CFAP57: variants seen among roughly 807,000 people sequenced by gnomAD.
CFAP57 encodes the protein cilia- and flagella-associated protein 57.
Under a neutral mutation model 146.8 loss-of-function variants are expected in CFAP57, and 116 were observed. That is an observed-to-expected ratio of 0.79 (90% CI 0.68 to 0.92). The LOEUF (loss-of-function observed/expected upper bound fraction) is 0.92. Ranked by LOEUF, CFAP57 falls within the 40% of genes least tolerant of loss-of-function variation. The pLI is 0.00. For missense variants in CFAP57, 1,377 were observed against 1,527.2 expected (o/e 0.90, Z 1.64); for synonymous variants, 518 against 552.8 (o/e 0.94, Z 0.88).
intron 18 of CFAP57, among the ~76,000 whole-genome samples, chr1:43,231,718 A>AAAAAAAG (rs373943745): frequency 6.9e-6 from 1 of 144,268 alleles, no homozygotes; most frequent in Non-Finnish European, 1.5e-5. Flanking sequence ...AAAAAAAAAA[A>AAAAAAAG]TTAGTTGGGC....
At chr1:43,215,955 C>A (rs1458279548) in intron 12 of CFAP57, among the ~76,000 whole-genome samples, 1 of 152,160 alleles carries the variant, frequency 6.6e-6, no homozygotes, top group Admixed American at 6.5e-5. Context: ...GAGCCCCCTC[C>A]CTTAATCACT....
intron 2 of CFAP57, among the ~76,000 whole-genome samples, chr1:43,173,448 A>G (rs974600673): frequency 1.3e-5 from 2 of 152,228 alleles, no homozygotes; most frequent in Non-Finnish European, 2.9e-5. Context: ...ATTGTGACAT[A>G]TACATACAAA....
intron 17 of CFAP57, among the ~76,000 whole-genome samples, chr1:43,224,994 A>G (rs1645190964): frequency 6.6e-6 from 1 of 152,220 alleles, no homozygotes; most frequent in South Asian, 2.1e-4. Context: ...ACATAGGATC[A>G]TGGGATCATG....
At chr1:43,227,210 G>GT in intron 18 of CFAP57, 84 bp downstream of exon 18, 1 of 1,370,682 alleles carries the variant, frequency 7.3e-7, no homozygotes, top group Non-Finnish European at 9.6e-7. Context: ...AGGGACTGAG[G>GT]AGAAGCTCTT....
At chr1:43,207,475 G>C (rs6661035) in intron 10 of CFAP57, among the ~76,000 whole-genome samples, 72,532 of 152,126 alleles carry the variant, frequency 0.48, 19,421 homozygotes, top group East Asian at 0.71. Context: ...TAGCCTCGGA[G>C]CAGTAGGCTC....
At chr1:43,207,500 GGT>G (rs1644407615) in intron 10 of CFAP57, among the ~76,000 whole-genome samples, 2 of 152,186 alleles carry the variant, frequency 1.3e-5, no homozygotes, top group African/African-American at 4.8e-5. Context: ...ACATAGCCTA[GGT>G]GTATAGTAGG....
In CFAP57 at chr1:43,182,934, G is replaced by T. The variant is rs568133452; in HGVS notation, c.475-657G>T. On this transcript the variant is annotated intron_variant, in intron 3 of 22. Coordinates refer to ENST00000372492, the MANE Select transcript of CFAP57 (RefSeq NM_001378189.1). ...TATTCGTCTTTACAATGGTACAAGA[G>T]TGATATGCACTCAGGAGAAAGAGAC... Among the ~76,000 whole-genome samples the T allele has an allele frequency of 2.4e-4, 37 of 152,350 alleles. No homozygotes were observed. The South Asian group carries it at 6.2e-3, about 26-fold the overall frequency.
rs531021726 is a variant in CFAP57 at position 43,217,923 on chromosome 1, C to T, written c.2092-1459C>T. On this transcript the variant is annotated intron_variant, in intron 12 of 22. Coordinates refer to ENST00000372492, the MANE Select transcript of CFAP57 (RefSeq NM_001378189.1). The stretch of plus-strand genomic sequence containing the variant: ...ATGGTCTGACGCAGTCTTGGCTGCC[C>T]CTTCCTATACATCCAACCTGTGCCA... Among the ~76,000 whole-genome samples the T allele has an allele frequency of 1.5e-4, 23 of 152,296 alleles. 1 individual carries two copies. Among genetic ancestry groups the T allele is most frequent in the African/African-American group, 5.5e-4 (23 of 41,552 alleles).
intron 22 of CFAP57, among the ~76,000 whole-genome samples, chr1:43,248,774 T>A (rs561091745): frequency 3.6e-4 from 55 of 152,320 alleles, no homozygotes; most frequent in African/African-American, 1.3e-3. Context: ...CCTTAAATTT[T>A]AGTGAAACCC....
At chr1:43,218,785 G>A (rs1644934207) in intron 12 of CFAP57, among the ~76,000 whole-genome samples, 1 of 152,128 alleles carries the variant, frequency 6.6e-6, no homozygotes, top group African/African-American at 2.4e-5. Context: ...TTGTAATAAT[G>A]TGTTTGTCTG....
chr1:43,172,370 T>G lies in CFAP57; in HGVS notation c.-103T>G. The G allele has an allele frequency of 1.3e-6, 2 of 1,551,552 alleles. No homozygotes were observed. The highest frequency in any genetic ancestry group is 1.7e-6 in the Non-Finnish European group (2 of 1,146,974). On this transcript the variant is annotated 5_prime_UTR_variant, in exon 1 of 23. Coordinates refer to ENST00000372492, the MANE Select transcript of CFAP57 (RefSeq NM_001378189.1). ...TTGCTATAGGAACCGCTACGGCGTT[T>G]GAAAGTGTCCGGGTTGCTTAGGATC...
intron 6 of CFAP57, chr1:43,196,318 T>G (rs1569986520): frequency 6.5e-6 from 1 of 152,734 alleles, no homozygotes. Flanking sequence ...GACAGGCAGG[T>G]TGAAGATATT....
chr1:43,206,820 C>G lies in CFAP57; in HGVS notation c.1643C>G (p.Thr548Arg), dbSNP rs1430363605. Reference protein sequence around the residue: ...EWNLSTGKRETECVLKSCSYN... With the variant: ...EWNLSTGKRERECVLKSCSYN... ...AATCTGTCCACAGGAAAGAGAGAGA[C>G]AGAATGCGTGCTCAAGTCTTGCAGC... The change falls in exon 10 of 23, where the codon ACA becomes AGA. Residue 548 changes from threonine to arginine, a missense_variant. Physicochemically the swap from Thr to Arg is moderately conservative, Grantham distance 71. Coordinates refer to ENST00000372492, the MANE Select transcript of CFAP57 (RefSeq NM_001378189.1). The G allele has an allele frequency of 6.2e-7, 1 of 1,614,074 alleles. No homozygotes were observed. Among genetic ancestry groups the G allele is most frequent in the Non-Finnish European group, 8.5e-7 (1 of 1,180,050 alleles).
chr1:43,194,109 C>A (rs12032304), intron 6 of CFAP57, among the ~76,000 whole-genome samples: 3 of 152,040 alleles, frequency 2.0e-5, no homozygotes, highest in Non-Finnish European at 2.9e-5. Context: ...TGCTTTCAAC[C>A]TAAAGGATTT....
intron 22 of CFAP57, among the ~76,000 whole-genome samples, chr1:43,249,401 T>G (rs1302813606): frequency 6.6e-6 from 1 of 150,732 alleles, no homozygotes; most frequent in East Asian, 1.9e-4. Context: ...CAAAGTTAGT[T>G]ATTTCCTTCT....
At chr1:43,204,903 T>C (rs1051455856) in intron 9 of CFAP57, among the ~76,000 whole-genome samples, 3 of 152,208 alleles carry the variant, frequency 2.0e-5, no homozygotes, top group African/African-American at 7.2e-5. Flanking sequence ...ATTTCATTTT[T>C]AAGCCTGGCT....
chr1:43,219,098 G>A (rs1159713800), intron 12 of CFAP57, among the ~76,000 whole-genome samples: 1 of 152,232 alleles, frequency 6.6e-6, no homozygotes, highest in Non-Finnish European at 1.5e-5. Flanking sequence ...ACAGTGTGGT[G>A]CAAGTCAGCC....
chr1:43,218,731 T>C (rs1357248471), intron 12 of CFAP57, among the ~76,000 whole-genome samples: 1 of 152,162 alleles, frequency 6.6e-6, no homozygotes, highest in Non-Finnish European at 1.5e-5. Flanking sequence ...GAGGGACAGA[T>C]TGGCAGTACT....
At chr1:43,220,354 C>T (rs926595149) in intron 13 of CFAP57, among the ~76,000 whole-genome samples, 2 of 152,192 alleles carry the variant, frequency 1.3e-5, no homozygotes, top group African/African-American at 4.8e-5. Context: ...AATTAGTCTA[C>T]ATGGCCTTTA....
Sources: gnomAD v4.1 joint callset for allele counts (sites outside exome capture counted in the v4.1 genomes callset) on GRCh38, gnomAD v4.1.1 for gene constraint, MANE v1.5 for transcripts, NCBI Gene and HGNC (gene_info 2026-07-23, HGNC 2026-07-21) for gene names.